The following TRDN variants were observed in gnomAD, a reference collection of about 807,000 sequenced individuals.
TRDN encodes the protein triadin in skeletal muscle.
Under a neutral mutation model 149.7 loss-of-function variants are expected in TRDN, and 161 were observed. The ratio of observed to expected loss-of-function variants is 1.08; its 90% CI spans 0.95 to 1.23. TRDN has a LOEUF of 1.23. Among genes scored for constraint, TRDN ranks in the 50% most tolerant of loss-of-function variants. TRDN has a pLI of 0.00. For synonymous variants in TRDN, 294 were observed against 250.5 expected, an observed-to-expected ratio of 1.17 and a Z score of -1.64; for missense variants, 896 against 823.5, an observed-to-expected ratio of 1.09 and a Z score of -1.08.
intron 23 of TRDN, among the ~76,000 whole-genome samples, chr6:123,328,735 T>C (rs149935887): frequency 2.0e-5 from 3 of 152,282 alleles, no homozygotes; most frequent in Admixed American, 6.5e-5. Flanking sequence ...AGAGAACTAT[T>C]TACGGCAACT....
At chr6:123,527,858 T>C (rs1042908519) in intron 5 of TRDN, among the ~76,000 whole-genome samples, 1 of 151,738 alleles carries the variant, frequency 6.6e-6, no homozygotes, top group African/African-American at 2.4e-5. Context: ...GTATTCTGAT[T>C]ATATTTATAA....
intron 2 of TRDN, among the ~76,000 whole-genome samples, chr6:123,554,714 T>C (rs1781560761): frequency 6.6e-6 from 1 of 152,022 alleles, no homozygotes; most frequent in Non-Finnish European, 1.5e-5. Flanking sequence ...ACCGCCTAAG[T>C]TGGGAAGAAA....
chr6:123,329,892 T>C (rs1009270150), intron 23 of TRDN, among the ~76,000 whole-genome samples: 9 of 152,104 alleles, frequency 5.9e-5, no homozygotes, highest in Non-Finnish European at 1.3e-4. Context: ...TGTCTAGTCA[T>C]AGCCCTTACT....
At position 123,393,686 on chromosome 6, in the gene TRDN, G is replaced by A. The variant is rs765883002; in HGVS notation, c.1052-9C>T. The stretch of plus-strand genomic sequence containing the variant: ...AGAAGCTTTTCCCGGCTCTTGGAAT[G>A]AAAAAAACATAAATTACCATGAAGT... On this transcript the variant is annotated splice_polypyrimidine_tract_variant and intron_variant, in intron 12 of 40. Transcript: ENST00000334268. 6.3e-7 allele frequency: 1 copy of A among 1,597,180 alleles called. No individual in the cohort carries two copies. Among genetic ancestry groups the A allele is most frequent in the Admixed American group, 1.7e-5 (1 of 58,104 alleles).
In TRDN at chr6:123,452,674, G is replaced by A. The variant is rs1775854419; in HGVS notation, c.931+12232C>T. 3.9e-5 allele frequency among the ~76,000 whole-genome samples: 6 copies of A among 152,202 alleles called. No homozygotes were observed. In the South Asian group the frequency reaches 1.2e-3, roughly 32 times the overall value. On this transcript the variant is annotated intron_variant, in intron 10 of 40. Coordinates refer to ENST00000334268, the MANE Select transcript of TRDN (RefSeq NM_006073.4). ...TCAATCTTGGGAAAATGACCATACT[G>A]CCAAAAGCAATCTGCAAATTCAATG... is the stretch of plus-strand genomic sequence containing the variant.
intron 1 of TRDN, 26 bp downstream of exon 1, chr6:123,636,728 A>T: frequency 6.2e-7 from 1 of 1,610,734 alleles, no homozygotes; most frequent in East Asian, 2.2e-5. Context: ...TCCTTACTTG[A>T]TACTATCGGA....
chr6:123,396,473 A>G (rs1772737872), intron 12 of TRDN, among the ~76,000 whole-genome samples: 2 of 152,230 alleles, frequency 1.3e-5, no homozygotes, highest in South Asian at 4.1e-4. Flanking sequence ...ACAGATGACC[A>G]TAACAATATT....
At chr6:123,474,300 C>G (rs1313874925) in intron 9 of TRDN, among the ~76,000 whole-genome samples, 2 of 152,076 alleles carry the variant, frequency 1.3e-5, no homozygotes, top group Non-Finnish European at 2.9e-5. Flanking sequence ...ATCCTAGTCT[C>G]TGATAAAACA....
At chr6:123,373,182 G>C (rs1396390553) in intron 19 of TRDN, among the ~76,000 whole-genome samples, 1 of 152,176 alleles carries the variant, frequency 6.6e-6, no homozygotes, top group African/African-American at 2.4e-5. Flanking sequence ...CGTTGTGGAA[G>C]GGACCCAGTG....
At chr6:123,557,726 G>A (rs1013145068) in intron 2 of TRDN, among the ~76,000 whole-genome samples, 4 of 151,928 alleles carry the variant, frequency 2.6e-5, no homozygotes, top group African/African-American at 4.8e-5. Context: ...AGCAAGCACC[G>A]CTTTTCTGGG....
chr6:123,558,077 C>T (rs532344137), intron 2 of TRDN, among the ~76,000 whole-genome samples: 5 of 152,202 alleles, frequency 3.3e-5, no homozygotes, highest in Admixed American at 3.3e-4. Flanking sequence ...AATTCTTGTC[C>T]TAAAATGGGC....
intron 8 of TRDN, among the ~76,000 whole-genome samples, chr6:123,499,169 T>C (rs1292563767): frequency 6.6e-6 from 1 of 152,196 alleles, no homozygotes. Flanking sequence ...TGTTTTTATG[T>C]ATGTTGGAAG....
At chr6:123,446,171 G>T (rs1431819254) in intron 10 of TRDN, among the ~76,000 whole-genome samples, 4 of 150,422 alleles carry the variant, frequency 2.7e-5, no homozygotes, top group African/African-American at 9.9e-5. Flanking sequence ...TCACTCATAG[G>T]TGGGAATTGA....
At chr6:123,582,978 T>G (rs991890710) in intron 1 of TRDN, among the ~76,000 whole-genome samples, 13 of 152,096 alleles carry the variant, frequency 8.5e-5, no homozygotes, top group African/African-American at 3.1e-4. Flanking sequence ...GTATTGGTGA[T>G]GGCCTGGATA....
At chr6:123,315,724 G>A (rs1016119783) in intron 24 of TRDN, among the ~76,000 whole-genome samples, 1 of 151,772 alleles carries the variant, frequency 6.6e-6, no homozygotes, top group African/African-American at 2.4e-5. Flanking sequence ...ATTAGGATAA[G>A]CCATAGAAAG....
intron 1 of TRDN, among the ~76,000 whole-genome samples, chr6:123,605,055 T>C (rs1334607327): frequency 6.6e-6 from 1 of 151,928 alleles, no homozygotes; most frequent in Non-Finnish European, 1.5e-5. Flanking sequence ...TTGCATATCA[T>C]TGTTGACTAG....
At chr6:123,507,646 C>T (rs9401677) in intron 7 of TRDN, among the ~76,000 whole-genome samples, 126,176 of 152,044 alleles carry the variant, frequency 0.83, 52,553 homozygotes, top group East Asian at 0.88. Context: ...ATTTAAGTGA[C>T]GAAATTTATT....
At chr6:123,312,412 C>T (rs934311259) in intron 24 of TRDN, among the ~76,000 whole-genome samples, 1 of 151,798 alleles carries the variant, frequency 6.6e-6, no homozygotes, top group African/African-American at 2.4e-5. Context: ...ACATAAGTAT[C>T]ATCATAGTAA....
intron 5 of TRDN, among the ~76,000 whole-genome samples, chr6:123,530,159 A>G (rs1780168400): frequency 6.6e-6 from 1 of 152,034 alleles, no homozygotes; most frequent in Non-Finnish European, 1.5e-5. Flanking sequence ...AGGTTAAAAA[A>G]AAATAAACTC....
Sources: gnomAD v4.1 joint callset for allele counts (sites outside exome capture counted in the v4.1 genomes callset) on GRCh38, gnomAD v4.1.1 for gene constraint, MANE v1.5 for transcripts, NCBI Gene and HGNC (gene_info 2026-07-23, HGNC 2026-07-21) for gene names.